COL4A6: variants seen among roughly 807,000 people sequenced by gnomAD.
The protein encoded by COL4A6 is collagen type IV alpha 6 chain.
COL4A6 carries 59 observed loss-of-function variants against 126.7 expected under a neutral mutation model. That is an observed-to-expected ratio of 0.47 (90% CI 0.38 to 0.58). The LOEUF (loss-of-function observed/expected upper bound fraction) is 0.58, where lower values mean the gene tolerates loss of function less well. COL4A6 is among the 20% of genes least tolerant of loss of function. COL4A6 has a pLI of 0.00. For missense variants in COL4A6, 1,285 were observed against 1,337.3 expected (o/e 0.96, Z 0.61); for synonymous variants, 547 against 496.6 (o/e 1.10, Z -1.35).
At chrX:108,359,699 A>G (rs12014208) in intron 2 of COL4A6, among the ~76,000 whole-genome samples, 2,256 of 112,367 alleles carry the variant, frequency 0.02, 49 homozygotes, top group African/African-American at 0.068. Context: ...CAATGTATCA[A>G]TGCAGAATTC....
chrX:108,241,074 G>A (rs1416904868), intron 3 of COL4A6, among the ~76,000 whole-genome samples: 2 of 110,522 alleles, frequency 1.8e-5, no homozygotes, highest in South Asian at 3.9e-4. Flanking sequence ...TTAACTTTAC[G>A]CTTATGATTT....
intron 2 of COL4A6, among the ~76,000 whole-genome samples, chrX:108,362,434 C>T (rs1467265912): frequency 4.5e-5 from 5 of 111,936 alleles, no homozygotes. Flanking sequence ...TAGGGATAAA[C>T]TGGGCTGTAA....
At chrX:108,246,260 T>A (rs181469964) in intron 3 of COL4A6, among the ~76,000 whole-genome samples, 1 of 112,178 alleles carries the variant, frequency 8.9e-6, no homozygotes, top group East Asian at 2.8e-4. Flanking sequence ...GGGAGGGTTA[T>A]TATAAGGATT....
chrX:108,200,349 T>G (rs1248441199), intron 13 of COL4A6, among the ~76,000 whole-genome samples: 2 of 112,633 alleles, frequency 1.8e-5, no homozygotes, highest in Non-Finnish European at 3.8e-5. Flanking sequence ...AGATCTGGTG[T>G]GTATTTTATA....
chrX:108,320,461 G>A (rs1410458627), intron 2 of COL4A6, among the ~76,000 whole-genome samples: 1 of 111,437 alleles, frequency 9.0e-6, no homozygotes, highest in Non-Finnish European at 1.9e-5. Flanking sequence ...GGAAAGAAGT[G>A]ATTATGATTA....
chrX:108,257,996 ATGTT>A (rs2037050588), intron 3 of COL4A6, among the ~76,000 whole-genome samples: 1 of 111,777 alleles, frequency 8.9e-6, no homozygotes, highest in African/African-American at 3.2e-5. Context: ...AGAAAGAAGA[ATGTT>A]TGTCAGAAGT....
At chrX:108,171,484 TA>T (rs2034301716) in intron 32 of COL4A6, 23 bp from the exon 33 acceptor site, 1 of 1,159,362 alleles carries the variant, frequency 8.6e-7, no homozygotes, top group African/African-American at 1.8e-5. Flanking sequence ...ATACATTGTT[TA>T]AATGGCCAGG....
intron 8 of COL4A6, 26 bp from the exon 9 acceptor site, chrX:108,206,606 T>A (rs752837261): frequency 8.4e-7 from 1 of 1,184,198 alleles, no homozygotes; most frequent in Admixed American, 2.2e-5. Context: ...TTTACCAAGT[T>A]CAAAAAGCAA....
intron 2 of COL4A6, among the ~76,000 whole-genome samples, chrX:108,424,993 C>A (rs2064047045): frequency 9.1e-6 from 1 of 110,478 alleles, no homozygotes; most frequent in Non-Finnish European, 1.9e-5. Flanking sequence ...GCCTGGGTGA[C>A]AGAGTGAGAC....
chrX:108,178,130 T>C (rs1008261422), intron 27 of COL4A6, among the ~76,000 whole-genome samples: 3 of 112,267 alleles, frequency 2.7e-5, no homozygotes, highest in African/African-American at 9.7e-5. Flanking sequence ...TTGGGAATGG[T>C]GCAGTCACCG....
intron 2 of COL4A6, among the ~76,000 whole-genome samples, chrX:108,344,543 T>C (rs909372466): frequency 1.8e-5 from 2 of 112,261 alleles, no homozygotes; most frequent in Non-Finnish European, 3.8e-5. Flanking sequence ...GGCTTTTTTT[T>C]CCTGATGTTT....
At chrX:108,299,478 G>C (rs1288993368) in intron 3 of COL4A6, among the ~76,000 whole-genome samples, 1 of 111,105 alleles carries the variant, frequency 9.0e-6, no homozygotes, top group Non-Finnish European at 1.9e-5. Flanking sequence ...CCCACAGCAT[G>C]TTCCTCCACA....
chrX:108,191,548 C>T lies in COL4A6; in HGVS notation c.1181-15G>A. 2.5e-6 allele frequency: 3 copies of T among 1,203,591 alleles called. No homozygotes were observed. The highest frequency in any genetic ancestry group is 3.4e-6 in the Non-Finnish European group (3 of 891,795). ...TCCTGGGACACCTGGAAGAATAAGC[C>T]CACACACAAATGCTCATTATATCAC... On this transcript the variant is annotated splice_polypyrimidine_tract_variant and intron_variant, in intron 18 of 44. Coordinates refer to ENST00000334504, the MANE Select transcript of COL4A6 (RefSeq NM_033641.4).
intron 3 of COL4A6, among the ~76,000 whole-genome samples, chrX:108,284,574 G>A (rs957684249): frequency 2.7e-5 from 3 of 112,133 alleles, no homozygotes; most frequent in African/African-American, 6.5e-5. Flanking sequence ...TCTTTGATTT[G>A]CCTCAACTGG....
chrX:108,430,816 T>C (rs1398878465), intron 2 of COL4A6, among the ~76,000 whole-genome samples: 1 of 111,814 alleles, frequency 8.9e-6, no homozygotes, highest in Non-Finnish European at 1.9e-5. Flanking sequence ...AATTTCACCT[T>C]TAACTATACT....
intron 2 of COL4A6, among the ~76,000 whole-genome samples, chrX:108,346,286 G>A (rs1006202889): frequency 9.0e-6 from 1 of 111,116 alleles, no homozygotes; most frequent in African/African-American, 3.3e-5. Flanking sequence ...GAATATATTA[G>A]TATTTCCCTT....
chrX:108,428,258 T>C (rs776006365), intron 2 of COL4A6, among the ~76,000 whole-genome samples: 4 of 112,455 alleles, frequency 3.6e-5, no homozygotes, highest in Non-Finnish European at 7.5e-5. Flanking sequence ...CTGGGCCATA[T>C]GCGGCCCTTG....
chrX:108,219,574 C>A, intron 5 of COL4A6, 124 bp downstream of exon 5: 1 of 631,964 alleles, frequency 1.6e-6, no homozygotes, highest in Non-Finnish European at 2.6e-6. Flanking sequence ...CCTCACCATA[C>A]ATATCTCAAC....
intron 2 of COL4A6, among the ~76,000 whole-genome samples, chrX:108,363,155 C>T (rs2040124903): frequency 2.7e-5 from 3 of 111,812 alleles, no homozygotes; most frequent in Admixed American, 9.5e-5. Context: ...TGATGTGTGT[C>T]GTACTGGAAG....
Sources: allele counts gnomAD v4.1 joint callset (sites outside exome capture counted in the v4.1 genomes callset), GRCh38; gene constraint gnomAD v4.1.1; transcripts MANE v1.5; gene names NCBI Gene and HGNC (gene_info 2026-07-23, HGNC 2026-07-21).